Variants in TTC17 observed in about 807,000 individuals in gnomAD.
The protein encoded by TTC17 is tetratricopeptide repeat protein 17.
In TTC17, 58 loss-of-function variants were observed where a neutral mutation model predicts 143.8. The ratio of observed to expected loss-of-function variants is 0.40; its 90% CI spans 0.33 to 0.50. The LOEUF (loss-of-function observed/expected upper bound fraction) is 0.50. Ranked by LOEUF, TTC17 falls within the 20% of genes least tolerant of loss-of-function variation. The pLI, the probability that TTC17 is intolerant of heterozygous loss-of-function variation, is 0.49. For synonymous variants in TTC17, 501 were observed against 497.8 expected, an observed-to-expected ratio of 1.01 and a Z score of -0.09; for missense variants, 1,273 against 1,392.5, an observed-to-expected ratio of 0.91 and a Z score of 1.37.
chr11:43,431,616 A>G lies in TTC17; in HGVS notation c.2252-11709A>G, dbSNP rs114872554. The stretch of plus-strand genomic sequence containing the variant: ...TTCCAGTGCAGCTTTTCAGGGAGTC[A>G]GGGCTAATAATAATAGCATCTTACC... On this transcript the variant is annotated intron_variant, in intron 16 of 23. Transcript: ENST00000039989. Among the ~76,000 whole-genome samples, 709 of 152,376 alleles carry G rather than the reference A, an allele frequency of 4.7e-3. 6 individuals carry two copies. Among genetic ancestry groups the G allele is most frequent in the African/African-American group, 0.016 (681 of 41,592 alleles).
intron 20 of TTC17, 82 bp downstream of exon 20, chr11:43,450,323 C>T: frequency 2.8e-6 from 4 of 1,424,532 alleles, no homozygotes; most frequent in South Asian, 1.6e-5. Context: ...GCCCAGGTGA[C>T]CGGGCCTTTT....
chr11:43,426,796 C>T (rs1266716579), intron 16 of TTC17, among the ~76,000 whole-genome samples: 2 of 152,108 alleles, frequency 1.3e-5, no homozygotes, highest in African/African-American at 4.8e-5. Flanking sequence ...GAAAAAAAGA[C>T]AAAATAGCCT....
intron 6 of TTC17, 118 bp from the exon 7 acceptor site, chr11:43,397,229 A>G (rs1466800814): frequency 5.1e-6 from 6 of 1,170,442 alleles, no homozygotes; most frequent in African/African-American, 1.5e-5. Context: ...ATGAAACACT[A>G]TGATTATCTT....
At chr11:43,460,825 A>G (rs1027578171) in intron 21 of TTC17, among the ~76,000 whole-genome samples, 1 of 152,150 alleles carries the variant, frequency 6.6e-6, no homozygotes, top group Admixed American at 6.5e-5. Flanking sequence ...GTCCTGGGCC[A>G]TTTCACATGA....
chr11:43,462,938 C>CA (rs1381215181), intron 21 of TTC17, among the ~76,000 whole-genome samples: 1 of 61,570 alleles, frequency 1.6e-5, no homozygotes. Flanking sequence ...TTTTTTGAGA[C>CA]AGAGTCTCAC....
intron 16 of TTC17, among the ~76,000 whole-genome samples, chr11:43,424,653 C>G (rs1315406176): frequency 1.3e-5 from 2 of 151,886 alleles, no homozygotes; most frequent in Non-Finnish European, 2.9e-5. Context: ...GCCTGTAATC[C>G]CAGCTACTGG....
chr11:43,402,013 A>G (rs1857882901), intron 10 of TTC17, among the ~76,000 whole-genome samples: 1 of 151,086 alleles, frequency 6.6e-6, no homozygotes. Context: ...ATAAATAAAT[A>G]AATAAATAAA....
chr11:43,397,950 G>GTT, intron 7 of TTC17, 24 bp from the exon 8 acceptor site: 1 of 1,453,764 alleles, frequency 6.9e-7, no homozygotes, highest in Non-Finnish European at 9.1e-7. Context: ...GTGTGTGTGT[G>GTT]TATGTTTGTT....
At chr11:43,369,611 T>G (rs1856484459) in intron 1 of TTC17, among the ~76,000 whole-genome samples, 1 of 151,972 alleles carries the variant, frequency 6.6e-6, no homozygotes, top group African/African-American at 2.4e-5. Context: ...AAAATTTGTT[T>G]CTGATTTCTT....
chr11:43,427,860 T>C (rs1947065723), intron 16 of TTC17, among the ~76,000 whole-genome samples: 1 of 152,092 alleles, frequency 6.6e-6, no homozygotes, highest in African/African-American at 2.4e-5. Flanking sequence ...ATTTAGCACA[T>C]AGAATATTCT....
intron 16 of TTC17, among the ~76,000 whole-genome samples, chr11:43,437,470 G>A (rs927084856): frequency 3.3e-5 from 5 of 152,044 alleles, no homozygotes; most frequent in South Asian, 2.1e-4. Flanking sequence ...TTTTAAAGGC[G>A]GAAACAACCA....
chr11:43,462,144 T>C (rs2134793991), intron 21 of TTC17, among the ~76,000 whole-genome samples: 1 of 151,514 alleles, frequency 6.6e-6, no homozygotes, highest in South Asian at 2.1e-4. Flanking sequence ...AAAGTAAACT[T>C]TATAATAAGA....
intron 16 of TTC17, among the ~76,000 whole-genome samples, chr11:43,429,148 A>G (rs1488401898): frequency 6.6e-6 from 1 of 152,182 alleles, no homozygotes; most frequent in Non-Finnish European, 1.5e-5. Context: ...ACCCAGATTC[A>G]GGTTCTGTAT....
intron 21 of TTC17, among the ~76,000 whole-genome samples, chr11:43,479,632 A>G (rs890707772): frequency 6.6e-6 from 1 of 152,252 alleles, no homozygotes; most frequent in Non-Finnish European, 1.5e-5. Context: ...TAAAGCATCC[A>G]TTTCAGTCAG....
At chr11:43,452,930 A>G (rs563022576) in intron 21 of TTC17, among the ~76,000 whole-genome samples, 4 of 152,300 alleles carry the variant, frequency 2.6e-5, no homozygotes, top group Admixed American at 2.6e-4. Flanking sequence ...CTCAAAAAGA[A>G]AAAAAAATTC....
rs367938653 is a variant in TTC17, at chr11:43,445,951, AGGAAAGTGC to A, written c.2665+1743_2665+1751del. The A allele has an allele frequency of 2.8e-6, 4 of 1,437,608 alleles. No individual in the cohort carries two copies. In the African/African-American group the frequency reaches 4.2e-5, roughly 15 times the overall value. The allele number at this position is 1,437,608 out of a possible 1,614,324, so 89.1% of individuals were successfully genotyped here. On this transcript the variant is annotated intron_variant, in intron 18 of 23. Transcript: ENST00000039989. The stretch of plus-strand genomic sequence containing the variant: ...GTTAGGGCTACTAGACTGGAAGACC[AGGAAAGTGC>A]CATAGACATAATGTAACTGGATTTC...
chr11:43,489,528 A>G (rs1948435818), intron 21 of TTC17, among the ~76,000 whole-genome samples: 1 of 152,170 alleles, frequency 6.6e-6, no homozygotes, highest in Non-Finnish European at 1.5e-5. Flanking sequence ...ACCTGAGGTC[A>G]TGAGTTCGAG....
intron 6 of TTC17, 38 bp from the exon 7 acceptor site, chr11:43,397,309 G>A (rs759183341): frequency 8.2e-6 from 13 of 1,576,182 alleles, no homozygotes; most frequent in Non-Finnish European, 1.1e-5. Flanking sequence ...TTGTCAAGTG[G>A]TTCTACATAA....
intron 19 of TTC17, chr11:43,449,776 C>A: frequency 3.9e-6 from 1 of 259,294 alleles, no homozygotes; most frequent in Non-Finnish European, 7.4e-6. Flanking sequence ...ATACAATGTA[C>A]GGCTGTATCT....
Sources: allele counts gnomAD v4.1 joint callset (sites outside exome capture counted in the v4.1 genomes callset), GRCh38; gene constraint gnomAD v4.1.1; transcripts MANE v1.5; gene names NCBI Gene and HGNC (gene_info 2026-07-23, HGNC 2026-07-21).